The following C15orf40 variants were observed in gnomAD, a reference collection of about 807,000 sequenced individuals.
C15orf40 encodes chromosome 15 open reading frame 40.
In C15orf40, 9 loss-of-function variants were observed where a neutral mutation model predicts 13.9. The ratio of observed to expected loss-of-function variants is 0.65; its 90% CI spans 0.39 to 1.13. The LOEUF is 1.13. Ranked by LOEUF, C15orf40 falls within the 50% of genes most tolerant of loss-of-function variation. C15orf40 has a pLI of 0.01. For missense variants in C15orf40, 225 were observed against 188.5 expected, an observed-to-expected ratio of 1.19 and a Z score of -1.13; for synonymous variants, 95 against 69.2, an observed-to-expected ratio of 1.37 and a Z score of -1.85.
At chr15:83,010,181 G>A (rs2031916040) in intron 2 of C15orf40, 56 bp downstream of exon 2, 2 of 1,601,480 alleles carry the variant, frequency 1.2e-6, no homozygotes, top group South Asian at 1.1e-5. Context: ...AAGCAAAGGA[G>A]GGCTGTAGGA....
intron 1 of C15orf40, chr15:83,010,581 C>T (rs2151293806): frequency 2.0e-6 from 1 of 491,214 alleles, no homozygotes; most frequent in Admixed American, 3.6e-5. Context: ...GTTTTTTCCC[C>T]CCTTGCAAGA....
In C15orf40 at chr15:83,001,072, C is replaced by A; in HGVS notation, c.*4525G>T. On this transcript the variant is annotated 3_prime_UTR_variant, in exon 4 of 4. Transcript: ENST00000304177. Reference sequence around the variant, plus strand: ...AAGTGATCCACCCGCCTCAGCCTCCCAAAGTGCTGGGATTACAGGCATAAG... The same window carrying A: ...AAGTGATCCACCCGCCTCAGCCTCCAAAAGTGCTGGGATTACAGGCATAAG... 1.0e-6 allele frequency: 1 copy of A among 981,778 alleles called. No individual in the cohort carries two copies. The allele number at this position is 981,778 out of a possible 1,614,324, so 60.8% of individuals were successfully genotyped here.
Position 83,001,130 on chromosome 15 carries a change from G to A in C15orf40, c.*4467C>T. 1.0e-6 allele frequency: 1 copy of A among 985,472 alleles called. No homozygotes were observed. Among genetic ancestry groups the A allele is most frequent in the Non-Finnish European group, 1.2e-6 (1 of 829,962 alleles). 61.0% of individuals were successfully genotyped at this position (985,472 alleles called of 1,614,324 possible). A position where few individuals can be genotyped will look rare whatever the true frequency, so the allele number is the denominator to read the frequency against. On this transcript the variant is annotated 3_prime_UTR_variant, in exon 4 of 4. Transcript: ENST00000304177. ...ACTGGCCTAGGTGTGCACTGCAAAG[G>A]TTCCACCTTCATCCTCTGGTTATTG...
intron 1 of C15orf40, 93 bp from the exon 2 acceptor site, chr15:83,010,456 A>G: frequency 6.8e-7 from 1 of 1,469,312 alleles, no homozygotes; most frequent in South Asian, 1.2e-5. Context: ...CCCTTAACAG[A>G]CAAACTAGGC....
At chr15:83,008,796 G>A in intron 2 of C15orf40, 121 bp from the exon 3 acceptor site, 1 of 1,131,984 alleles carries the variant, frequency 8.8e-7, no homozygotes, top group Non-Finnish European at 1.2e-6. Context: ...AAAAACTGTT[G>A]AATGAAGAAA....
rs1434659011 is a variant in C15orf40, at chr15:83,003,336, A to C, written c.*2261T>G. 1.3e-5 allele frequency: 2 copies of C among 152,090 alleles called. No homozygotes were observed. The highest frequency in any genetic ancestry group is 4.8e-5 in the African/African-American group (2 of 41,382). The allele number at this position is 152,090 out of a possible 1,614,324, so 9.4% of individuals were successfully genotyped here. On this transcript the variant is annotated 3_prime_UTR_variant, in exon 4 of 4. Coordinates refer to ENST00000304177, the MANE Select transcript of C15orf40 (RefSeq NM_144597.3). Reference sequence around the variant, plus strand: ...GAGATGGGGTTTCTCCATGTTGGTCAGGCTGGTCTCGAATTCCCGACCTCA... The same window carrying C: ...GAGATGGGGTTTCTCCATGTTGGTCCGGCTGGTCTCGAATTCCCGACCTCA...
intron 2 of C15orf40, among the ~76,000 whole-genome samples, chr15:83,009,591 C>G (rs1443641317): frequency 6.6e-6 from 1 of 152,098 alleles, no homozygotes; most frequent in African/African-American, 2.4e-5. Flanking sequence ...CCTTTAGAAT[C>G]CCTTCCCCCA....
Position 83,004,351 on chromosome 15 carries a change from T to C in C15orf40, c.*1246A>G. 2.0e-6 allele frequency: 2 copies of C among 985,420 alleles called. No homozygotes were observed. Among genetic ancestry groups the C allele is most frequent in the Non-Finnish European group, 2.4e-6 (2 of 829,924 alleles). The allele number at this position is 985,420 out of a possible 1,614,324, so 61.0% of individuals were successfully genotyped here. A position where few individuals can be genotyped will look rare whatever the true frequency, so the allele number is the denominator to read the frequency against. On this transcript the variant is annotated 3_prime_UTR_variant, in exon 4 of 4. Coordinates refer to ENST00000304177, the MANE Select transcript of C15orf40 (RefSeq NM_144597.3). ...GATTTGGTCCATCAATACATCTTTC[T>C]CATGTACTTGCTGGACAAAGCGCAC...
At chr15:82,993,545 G>A (rs1287989633), downstream of C15orf40, among the ~76,000 whole-genome samples, 1 of 152,226 alleles carries the variant, frequency 6.6e-6, no homozygotes, top group Non-Finnish European at 1.5e-5. Context: ...AGGCTCAGTG[G>A]CTCATGCTAG....
At position 83,004,241 on chromosome 15, in the gene C15orf40, G is replaced by A. The variant is rs544988980; in HGVS notation, c.*1356C>T. On this transcript the variant is annotated 3_prime_UTR_variant, in exon 4 of 4. Transcript: ENST00000304177. ...TCCTCCTGCCTCAACCTTCCAAAGCGCTGGGATTACAGGCGTGAGCCACCA... is the reference window on the plus strand; with the variant it reads ...TCCTCCTGCCTCAACCTTCCAAAGCACTGGGATTACAGGCGTGAGCCACCA... The A allele has an allele frequency of 1.1e-5, 9 of 849,704 alleles. No homozygotes were observed. In the South Asian group the frequency reaches 2.2e-4, roughly 20 times the overall value. The allele number at this position is 849,704 out of a possible 1,614,324, so 52.6% of individuals were successfully genotyped here. A position where few individuals can be genotyped will look rare whatever the true frequency, so the allele number is the denominator to read the frequency against.
intron 2 of C15orf40, 66 bp downstream of exon 2, chr15:83,010,171 A>G (rs1481315968): frequency 3.5e-5 from 56 of 1,592,624 alleles, no homozygotes; most frequent in Non-Finnish European, 8.6e-7. Context: ...CAGCTAACCA[A>G]AGCAAAGGAG....
At chr15:82,992,150 TC>T, downstream of C15orf40, 1 of 366,494 alleles carries the variant, frequency 2.7e-6, no homozygotes, top group Non-Finnish European at 5.3e-6. Context: ...CGGGAAGAGT[TC>T]AAGACTACAG....
chr15:82,991,854 A>C (rs982980908), downstream of C15orf40: 5 of 1,271,912 alleles, frequency 3.9e-6, no homozygotes, highest in African/African-American at 7.6e-5. Flanking sequence ...GATACTACAG[A>C]TATTTAGTCT....
At position 83,003,594 on chromosome 15, in the gene C15orf40, CA is replaced by C. The variant is rs1163494682; in HGVS notation, c.*2002del. 6.6e-6 allele frequency: 1 copy of C among 152,184 alleles called. No individual in the cohort carries two copies. Among genetic ancestry groups the C allele is most frequent in the Non-Finnish European group, 1.5e-5 (1 of 68,054 alleles). The allele number at this position is 152,184 out of a possible 1,614,324, so 9.4% of individuals were successfully genotyped here. On this transcript the variant is annotated 3_prime_UTR_variant, in exon 4 of 4. Coordinates refer to ENST00000304177, the MANE Select transcript of C15orf40 (RefSeq NM_144597.3). ...AAGCACATTTGCAGGCAGTATATGG[CA>C]CAGTTTAGAAGACAAAGCAGCTGGG...
rs1350640351 is a variant in C15orf40, at chr15:83,004,784, C to CA, written c.*812dup. Reference sequence around the variant, plus strand: ...CATTTAAAAATCTAAGGTAAGACTACAAAGCAGCATAACAGGTTTTCTGTC... The same window carrying CA: ...CATTTAAAAATCTAAGGTAAGACTACAAAAGCAGCATAACAGGTTTTCTGTC... On this transcript the variant is annotated 3_prime_UTR_variant, in exon 4 of 4. Transcript: ENST00000304177. The CA allele has an allele frequency of 3.6e-6, 4 of 1,115,546 alleles. No individual in the cohort carries two copies. In the South Asian group the frequency reaches 9.1e-5, roughly 25 times the overall value. 69.1% of individuals were successfully genotyped at this position (1,115,546 alleles called of 1,614,324 possible).
At chr15:82,991,848 C>G (rs2030875010), downstream of C15orf40, 14 of 1,263,060 alleles carry the variant, frequency 1.1e-5, no homozygotes, top group Non-Finnish European at 1.5e-5. Flanking sequence ...GGATTTGATA[C>G]TACAGATATT....
downstream of C15orf40, chr15:82,991,908 C>T: frequency 7.8e-7 from 1 of 1,289,010 alleles, no homozygotes; most frequent in Non-Finnish European, 1.0e-6. Context: ...TCTCTGAAAG[C>T]AGAAGTGTTA....
chr15:82,990,930 C>G (rs1341904103), downstream of C15orf40: 3 of 325,182 alleles, frequency 9.2e-6, no homozygotes, highest in African/African-American at 6.3e-5. Flanking sequence ...GCTGCTTTCT[C>G]TCCTATAAAT....
Position 83,003,640 on chromosome 15 carries a change from T to A in C15orf40, c.*1957A>T, listed in dbSNP as rs544642657. The A allele has an allele frequency of 1.3e-5, 2 of 152,374 alleles. No individual in the cohort carries two copies. The highest frequency in any genetic ancestry group is 4.1e-4 in the South Asian group (2 of 4,828). 9.4% of individuals were successfully genotyped at this position (152,374 alleles called of 1,614,324 possible). ...GCTGGGCTTAAACCAAGCTCTGCCATTAATGTGCACTGTGATCTCACATAA... is the reference window on the plus strand; with the variant it reads ...GCTGGGCTTAAACCAAGCTCTGCCAATAATGTGCACTGTGATCTCACATAA... On this transcript the variant is annotated 3_prime_UTR_variant, in exon 4 of 4. Coordinates refer to ENST00000304177, the MANE Select transcript of C15orf40 (RefSeq NM_144597.3).
Sources: allele counts gnomAD v4.1 joint callset (sites outside exome capture counted in the v4.1 genomes callset), GRCh38; gene constraint gnomAD v4.1.1; transcripts MANE v1.5; gene names NCBI Gene and HGNC (gene_info 2026-07-23, HGNC 2026-07-21).